Variants in SORCS3 observed in about 807,000 individuals in gnomAD.
The protein encoded by SORCS3 is sortilin related VPS10 domain containing receptor 3.
A neutral mutation model predicts 146.3 loss-of-function variants in SORCS3; 57 were observed. The observed-to-expected ratio is 0.39, with a 90% CI of 0.31 to 0.49. SORCS3 has a LOEUF of 0.49. Among genes scored for constraint, SORCS3 ranks in the 20% least tolerant of loss-of-function variants. The pLI, the probability that SORCS3 is intolerant of heterozygous loss-of-function variation, is 0.92. For synonymous variants in SORCS3, 653 were observed against 618.5 expected (o/e 1.06, Z -0.83); for missense variants, 1,341 against 1,575.5 (o/e 0.85, Z 2.52).
At chr10:104,728,481 T>C (rs2016667983) in intron 1 of SORCS3, among the ~76,000 whole-genome samples, 1 of 152,120 alleles carries the variant, frequency 6.6e-6, no homozygotes, top group Non-Finnish European at 1.5e-5. Flanking sequence ...TCAGGGATGA[T>C]AATAGGAAGT....
intron 3 of SORCS3, among the ~76,000 whole-genome samples, chr10:104,963,701 C>A (rs371216186): frequency 6.6e-6 from 1 of 152,102 alleles, no homozygotes; most frequent in Non-Finnish European, 1.5e-5. Flanking sequence ...TTCTACTTAA[C>A]GTCTCTGTTT....
At chr10:104,929,537 C>G (rs540435382) in intron 3 of SORCS3, among the ~76,000 whole-genome samples, 1 of 152,352 alleles carries the variant, frequency 6.6e-6, no homozygotes, top group African/African-American at 2.4e-5. Flanking sequence ...GCAGGCAGGG[C>G]CCAGTGGCCC....
intron 1 of SORCS3, among the ~76,000 whole-genome samples, chr10:104,807,646 T>G (rs560555972): frequency 6.6e-6 from 1 of 152,264 alleles, no homozygotes; most frequent in South Asian, 2.1e-4. Flanking sequence ...TTCACCTCTT[T>G]TCTCTTTATT....
At chr10:105,013,505 T>C (rs577700582) in intron 4 of SORCS3, among the ~76,000 whole-genome samples, 2 of 152,240 alleles carry the variant, frequency 1.3e-5, no homozygotes, top group East Asian at 3.9e-4. Flanking sequence ...TTTTAAGTTA[T>C]TTCAAGCAAA....
chr10:104,704,876 C>T (rs2016318410), intron 1 of SORCS3, among the ~76,000 whole-genome samples: 1 of 152,176 alleles, frequency 6.6e-6, no homozygotes, highest in South Asian at 2.1e-4. Flanking sequence ...TACTCTCCCC[C>T]TCTACTTTGC....
At chr10:104,660,905 T>G (rs2015692408) in intron 1 of SORCS3, among the ~76,000 whole-genome samples, 1 of 152,216 alleles carries the variant, frequency 6.6e-6, no homozygotes, top group South Asian at 2.1e-4. Flanking sequence ...CTTCTCTCTG[T>G]GTTGGTCAAG....
intron 5 of SORCS3, among the ~76,000 whole-genome samples, chr10:105,053,235 A>G (rs1398707693): frequency 2.6e-5 from 4 of 152,140 alleles, no homozygotes; most frequent in East Asian, 3.9e-4. Context: ...GAGCTTCAAC[A>G]TATTTTTTTT....
intron 1 of SORCS3, among the ~76,000 whole-genome samples, chr10:104,811,645 G>T (rs141225326): frequency 1.3e-5 from 2 of 152,330 alleles, no homozygotes; most frequent in Non-Finnish European, 2.9e-5. Flanking sequence ...GGAGGAAGTA[G>T]CTCTGGAGTA....
At chr10:105,106,400 G>T (rs1449707193) in intron 7 of SORCS3, among the ~76,000 whole-genome samples, 1 of 152,138 alleles carries the variant, frequency 6.6e-6, no homozygotes, top group African/African-American at 2.4e-5. Context: ...GAACTTCCAA[G>T]CTCAGTGTGA....
At chr10:105,192,127 A>G (rs955504834) in intron 14 of SORCS3, among the ~76,000 whole-genome samples, 11 of 152,206 alleles carry the variant, frequency 7.2e-5, no homozygotes, top group African/African-American at 2.4e-4. Context: ...TTTGAAAAGA[A>G]AAAGGAAGAA....
intron 5 of SORCS3, among the ~76,000 whole-genome samples, chr10:105,087,024 A>G (rs2055666290): frequency 6.6e-6 from 1 of 151,722 alleles, no homozygotes. Flanking sequence ...CCTGAATGGT[A>G]TTGCTTAGAC....
intron 1 of SORCS3, among the ~76,000 whole-genome samples, chr10:104,775,233 G>A (rs1252223886): frequency 6.6e-6 from 1 of 152,210 alleles, no homozygotes; most frequent in Non-Finnish European, 1.5e-5. Context: ...CTGAGTGTTA[G>A]TTTCTTCACC....
At chr10:105,139,220 C>T (rs2056078121) in intron 7 of SORCS3, among the ~76,000 whole-genome samples, 177 bp from the exon 8 acceptor site, 1 of 152,206 alleles carries the variant, frequency 6.6e-6, no homozygotes, top group Non-Finnish European at 1.5e-5. Flanking sequence ...GATCTAAGCA[C>T]TGTGCAGTGG....
chr10:105,219,144 A>C (rs1293661414), intron 19 of SORCS3, among the ~76,000 whole-genome samples: 1 of 152,224 alleles, frequency 6.6e-6, no homozygotes, highest in Admixed American at 6.5e-5. Flanking sequence ...TTCACTAGGC[A>C]TACCCACAGG....
At chr10:104,869,508 C>T (rs1360158768) in intron 2 of SORCS3, among the ~76,000 whole-genome samples, 1 of 152,220 alleles carries the variant, frequency 6.6e-6, no homozygotes. Flanking sequence ...AATTCCCTTA[C>T]AGACACACTC....
intron 2 of SORCS3, among the ~76,000 whole-genome samples, chr10:104,910,047 A>G (rs1237690616): frequency 6.6e-6 from 1 of 152,116 alleles, no homozygotes; most frequent in African/African-American, 2.4e-5. Flanking sequence ...TGAGACAAGA[A>G]CTCAGTGAAC....
intron 2 of SORCS3, among the ~76,000 whole-genome samples, chr10:104,912,763 C>G (rs1043415652): frequency 1.3e-5 from 2 of 152,168 alleles, no homozygotes; most frequent in African/African-American, 4.8e-5. Context: ...CAAGGAGTTA[C>G]AGCCAAGGAA....
chr10:104,938,743 G>A (rs985741543), intron 3 of SORCS3, among the ~76,000 whole-genome samples: 1 of 152,154 alleles, frequency 6.6e-6, no homozygotes, highest in Non-Finnish European at 1.5e-5. Flanking sequence ...CAGGCACTGA[G>A]TTTTCCCCAT....
chr10:105,007,960 A>T (rs1339550616), intron 4 of SORCS3, among the ~76,000 whole-genome samples: 1 of 152,102 alleles, frequency 6.6e-6, no homozygotes, highest in East Asian at 1.9e-4. Flanking sequence ...TAAAGAAGGG[A>T]CTTAAGGTTG....
Sources: allele counts gnomAD v4.1 joint callset (sites outside exome capture counted in the v4.1 genomes callset), GRCh38; gene constraint gnomAD v4.1.1; transcripts MANE v1.5; gene names NCBI Gene and HGNC (gene_info 2026-07-23, HGNC 2026-07-21).